The following COL27A1 variants were observed in gnomAD, a reference collection of about 807,000 sequenced individuals.
COL27A1 encodes the protein collagen alpha-1(XXVII) chain.
A neutral mutation model predicts 251.3 loss-of-function variants in COL27A1; 106 were observed. The observed-to-expected ratio is 0.42, with a 90% CI of 0.36 to 0.50. COL27A1 has a LOEUF of 0.50. Among genes scored for constraint, COL27A1 ranks in the 20% least tolerant of loss-of-function variants. The pLI, the probability that COL27A1 is intolerant of heterozygous loss-of-function variation, is 0.00. For missense variants in COL27A1, 2,325 were observed against 2,522.8 expected (o/e 0.92, Z 1.68); for synonymous variants, 1,000 against 986.3 (o/e 1.01, Z -0.26).
intron 3 of COL27A1, among the ~76,000 whole-genome samples, chr9:114,175,255 G>A (rs1288722647): frequency 6.6e-6 from 1 of 152,216 alleles, no homozygotes; most frequent in Non-Finnish European, 1.5e-5. Flanking sequence ...CTCCCCCTCA[G>A]CTCCAGGCCC....
intron 14 of COL27A1, 34 bp from the exon 15 acceptor site, chr9:114,231,045 C>T (rs745338407): frequency 6.2e-7 from 1 of 1,605,138 alleles, no homozygotes; most frequent in Non-Finnish European, 8.5e-7. Flanking sequence ...TGGGCCACTG[C>T]TCACAGCACC....
rs750939921 is a variant in COL27A1 at position 114,264,376 on chromosome 9, C to A, written c.3217C>A (p.Pro1073Thr). The A allele has an allele frequency of 1.3e-6, 2 of 1,597,968 alleles. No homozygotes were observed. The highest frequency in any genetic ancestry group is 1.1e-5 in the South Asian group (1 of 88,048). Residue 1073 changes from proline (P) to threonine (T), a missense_variant, in exon 29 of 61, where the codon CCA becomes ACA. Physicochemically the swap from Pro to Thr is conservative, Grantham distance 38. Transcript: ENST00000356083. ...CCAGGGCCCCCGAGGACCGGACGGA[C>A]CAGCTGGGGAGCAAGGGTCCAGGGG... Reference protein sequence around the residue: ...GRRGPRGPDGPAGEQGSRGLK... With the variant: ...GRRGPRGPDGTAGEQGSRGLK...
In COL27A1 at chr9:114,290,444, C is replaced by A; in HGVS notation, c.4368+113C>A. On this transcript the variant is annotated intron_variant, in intron 47 of 60. Transcript: ENST00000356083. This position sits in a 1 kb window ranked among gnomAD's most constrained non-coding sequence, Gnocchi z 4.6. ...GTTTGGAAACTTGGATGGGCAGAACCAACACATCCAGAAGTTCTCTGGGGT... is the reference window on the plus strand; with the variant it reads ...GTTTGGAAACTTGGATGGGCAGAACAAACACATCCAGAAGTTCTCTGGGGT... The A allele has an allele frequency of 2.2e-6, 2 of 904,652 alleles. No homozygotes were observed. The highest frequency in any genetic ancestry group is 3.4e-6 in the Non-Finnish European group (2 of 591,348). The allele number at this position is 904,652 out of a possible 1,614,324, so 56.0% of individuals were successfully genotyped here.
At chr9:114,158,223 G>A (rs1251192450) in intron 1 of COL27A1, among the ~76,000 whole-genome samples, 1 of 152,110 alleles carries the variant, frequency 6.6e-6, no homozygotes, top group Admixed American at 6.5e-5. Context: ...GTGTCCACAG[G>A]GCCACTTTCC....
intron 17 of COL27A1, 83 bp downstream of exon 17, chr9:114,235,735 A>G: frequency 9.5e-7 from 1 of 1,053,260 alleles, no homozygotes; most frequent in Non-Finnish European, 1.5e-6. Context: ...CCTAGGGTCC[A>G]TCATGAGCAA....
intron 12 of COL27A1, among the ~76,000 whole-genome samples, chr9:114,215,739 C>T (rs899988573): frequency 9.9e-5 from 15 of 152,180 alleles, no homozygotes; most frequent in African/African-American, 2.4e-4. Flanking sequence ...GATCCTTTTG[C>T]GGGCTTCTCC....
chr9:114,157,075 A>AAC (rs150446535), intron 1 of COL27A1, among the ~76,000 whole-genome samples: 12,792 of 117,406 alleles, frequency 0.11, 1,001 homozygotes, highest in African/African-American at 0.23. Context: ...CCCTCACCAC[A>AAC]ACACACACAC....
Position 114,231,845 on chromosome 9 carries a change from G to T in COL27A1, c.2544G>T (p.Glu848Asp). The change falls in exon 16 of 61, where the codon GAG becomes GAT. Residue 848 changes from glutamate to aspartate, a missense_variant. This residue lies in a region of COL27A1 where 1,183 missense variants were observed against 1,144.1 expected (regional missense o/e 1.03). Transcript: ENST00000356083. ...GMKGLMGSVGEPGLKGDKGEQ... is the reference protein window; with the variant it reads ...GMKGLMGSVGDPGLKGDKGEQ... ...AGGGACTGATGGGCAGCGTGGGGGA[G>T]CCCGGACTGAAAGGTGATAAGGTGA... The T allele has an allele frequency of 6.2e-7, 1 of 1,614,172 alleles. No individual in the cohort carries two copies. Among genetic ancestry groups the T allele is most frequent in the Non-Finnish European group, 8.5e-7 (1 of 1,180,020 alleles).
In COL27A1 at chr9:114,205,810, C is replaced by T. The variant is rs1361667668; in HGVS notation, c.2221C>T (p.Gln741Ter). 1 of 1,613,036 alleles carries T rather than the reference C, an allele frequency of 6.2e-7. No homozygotes were observed. Among genetic ancestry groups the T allele is most frequent in the Non-Finnish European group, 8.5e-7 (1 of 1,179,500 alleles). ...AGGGGCCAAAGGTTACCCTGGCAGGCAGGTGCAGTATATGGCTTCTGGAAG... is the reference window on the plus strand; with the variant it reads ...AGGGGCCAAAGGTTACCCTGGCAGGTAGGTGCAGTATATGGCTTCTGGAAG... ...SPGAKGYPGR[Q>*]GLPGPVGDPG... Residue 741 changes from glutamine to a stop codon, truncating the protein, a stop_gained and splice_region_variant, in exon 9 of 61, where the codon CAG (glutamine) becomes TAG (stop). Transcript: ENST00000356083. LOFTEE classifies it high-confidence loss of function.
chr9:114,177,523 T>C, intron 3 of COL27A1, among the ~76,000 whole-genome samples: 1 of 152,156 alleles, frequency 6.6e-6, no homozygotes, highest in South Asian at 2.1e-4. Flanking sequence ...TGGACCATGC[T>C]GTGGCCATGG....
intron 30 of COL27A1, 21 bp downstream of exon 30, chr9:114,264,989 G>A: frequency 6.2e-7 from 1 of 1,612,800 alleles, no homozygotes; most frequent in Admixed American, 1.7e-5. Flanking sequence ...CCAAGGCCAA[G>A]CAGGCCAGCT....
intron 27 of COL27A1, among the ~76,000 whole-genome samples, chr9:114,255,302 T>C (rs1833846038): frequency 6.6e-6 from 1 of 152,070 alleles, no homozygotes; most frequent in African/African-American, 2.4e-5. Context: ...CCGGCCTCCC[T>C]CCCAGTGGTC....
At chr9:114,212,928 C>T (rs980633987) in intron 12 of COL27A1, among the ~76,000 whole-genome samples, 3 of 152,234 alleles carry the variant, frequency 2.0e-5, no homozygotes, top group African/African-American at 7.2e-5. Flanking sequence ...TAGGCGATCT[C>T]AGCTGGGCCC....
chr9:114,277,656 C>T (rs58246145), intron 37 of COL27A1, among the ~76,000 whole-genome samples: 4,405 of 152,268 alleles, frequency 0.029, 201 homozygotes, highest in African/African-American at 0.1. Context: ...AGGAGGCTTC[C>T]CCCAGGCTTG....
chr9:114,307,086 A>T (rs1829105668), intron 58 of COL27A1: 1 of 200,318 alleles, frequency 5.0e-6, no homozygotes, highest in South Asian at 8.8e-5. Flanking sequence ...TTCCAATGTC[A>T]GTTCTGCCTC....
In COL27A1 at chr9:114,167,782, T is replaced by C; in HGVS notation, c.227T>C (p.Phe76Ser). 1 of 1,613,694 alleles carries C rather than the reference T, an allele frequency of 6.2e-7. No homozygotes were observed. The highest frequency in any genetic ancestry group is 8.5e-7 in the Non-Finnish European group (1 of 1,180,014). The change falls in exon 3 of 61, where the codon TTT becomes TCT. Residue 76 changes from phenylalanine to serine, a missense_variant. Transcript: ENST00000356083. ...ATTCCTTTCCAGTCGGGCTTCATCT[T>C]TACGCAGCGGGCCCGGCTCCAGGCT... ...GVIPFQSGFI[F>S]TQRARLQAPT...
intron 3 of COL27A1, among the ~76,000 whole-genome samples, chr9:114,171,338 G>A (rs1162146577): frequency 2.6e-5 from 4 of 152,182 alleles, no homozygotes; most frequent in African/African-American, 7.2e-5. Flanking sequence ...AGACTAGCAC[G>A]TTCCATCCCA....
chr9:114,306,515 G>C lies in COL27A1; in HGVS notation c.4939-5G>C. On this transcript the variant is annotated splice_polypyrimidine_tract_variant and splice_region_variant and intron_variant, in intron 57 of 60. Transcript: ENST00000356083. ...GTCCCAATGACCACCCTCTCCTCGT[G>C]ACAGAGTTACAGCTATCCAGACCGG... is the stretch of plus-strand genomic sequence containing the variant. 1 of 1,613,774 alleles carries C rather than the reference G, an allele frequency of 6.2e-7. No homozygotes were observed. The highest frequency in any genetic ancestry group is 8.5e-7 in the Non-Finnish European group (1 of 1,179,924).
chr9:114,191,248 CT>C (rs928350833), intron 5 of COL27A1, among the ~76,000 whole-genome samples: 12 of 152,068 alleles, frequency 7.9e-5, no homozygotes, highest in Admixed American at 5.9e-4. Flanking sequence ...ATCCCACTTT[CT>C]TTTTTTTAAT....
Sources: gnomAD v4.1 joint callset for allele counts (sites outside exome capture counted in the v4.1 genomes callset) on GRCh38, gnomAD v4.1.1 for gene constraint, gnomAD v4.1.1 regional missense constraint, Gnocchi (gnomAD v3.1) non-coding constraint, MANE v1.5 for transcripts, NCBI Gene and HGNC (gene_info 2026-07-23, HGNC 2026-07-21) for gene names.